NAV1: variants seen among roughly 807,000 people sequenced by gnomAD.
The protein encoded by NAV1 is pore membrane and/or filament interacting like protein 3.
In NAV1, 18 loss-of-function variants were observed where a neutral mutation model predicts 175.2. The observed-to-expected ratio is 0.10, with a 90% CI of 0.07 to 0.15. The LOEUF is 0.15. NAV1 is among the 10% of genes least tolerant of loss of function. The probability of loss-of-function intolerance (pLI) is 1.00; values close to 1 mark genes in which losing one functional copy is unlikely to be tolerated. For missense variants in NAV1, 1,731 were observed against 2,436.6 expected, an observed-to-expected ratio of 0.71 and a Z score of 6.10; for synonymous variants, 897 against 978.7, an observed-to-expected ratio of 0.92 and a Z score of 1.56.
rs1558131288 is a variant in NAV1, at chr1:201,756,809, C to CTTCTTTCTTTCTTTCTTTTTCTTTCT, written c.1227-23594_1227-23593insTTCTTTCTTTCTTTCTTTCTTTCTTT. On this transcript the variant is annotated intron_variant, in intron 3 of 29. Coordinates refer to ENST00000367296, the Ensembl canonical transcript of NAV1. ...ATGAGCAATTCTCTTTCTTTCTTTCCTTCTTTCTTTCTTTCTTTCTTTCTT... is the reference window on the plus strand; with the variant it reads ...ATGAGCAATTCTCTTTCTTTCTTTCCTTCTTTCTTTCTTTCTTTTTCTTTCTTTCTTTCTTTCTTTCTTTCTTTCTT... 2.1e-3 allele frequency among the ~76,000 whole-genome samples: 57 copies of CTTCTTTCTTTCTTTCTTTTTCTTTCT among 26,996 alleles called. 1 individual carries two copies. Among genetic ancestry groups the CTTCTTTCTTTCTTTCTTTTTCTTTCT allele is most frequent in the South Asian group, 8.2e-3 (7 of 850 alleles). 17.7% of individuals were successfully genotyped at this position (26,996 alleles called of 152,430 possible).
chr1:201,669,078 A>G (rs1392544462), intron 1 of NAV1, among the ~76,000 whole-genome samples: 1 of 152,206 alleles, frequency 6.6e-6, no homozygotes, highest in African/African-American at 2.4e-5. Context: ...GATCTCAGGC[A>G]TGGTTAGCAA....
In NAV1 at chr1:201,750,025, A is replaced by G. The variant is rs1237156556; in HGVS notation, c.1227-30396A>G. 3.9e-5 allele frequency among the ~76,000 whole-genome samples: 6 copies of G among 152,232 alleles called. No individual in the cohort carries two copies. The highest frequency in any genetic ancestry group is 1.4e-4 in the African/African-American group (6 of 41,458). On this transcript the variant is annotated intron_variant, in intron 3 of 29. Transcript: ENST00000367296. The surrounding 1 kb of genome is among the most constrained non-coding windows in gnomAD (Gnocchi z 4.1). ...GCTTTCAGATTGCTTTATGTTGTTA[A>G]AATTTTGCTCCACCTTAAAGAAACT... is the stretch of plus-strand genomic sequence containing the variant.
At chr1:201,645,095 T>G (rs549332671), upstream of NAV1, among the ~76,000 whole-genome samples, 46 of 152,136 alleles carry the variant, frequency 3.0e-4, no homozygotes, top group Admixed American at 5.9e-4. Flanking sequence ...TAAAGACACA[T>G]GCACACGTAT....
Position 201,766,898 on chromosome 1 carries a change from C to T in NAV1, c.1227-13523C>T, listed in dbSNP as rs539724656. On this transcript the variant is annotated intron_variant, in intron 3 of 29. Transcript: ENST00000367296. ...AGTGCAGTGGCGCGATCTCAGCTCACTGCAACCTCCGTCTCCTGGTTCAAG... is the reference window on the plus strand; with the variant it reads ...AGTGCAGTGGCGCGATCTCAGCTCATTGCAACCTCCGTCTCCTGGTTCAAG... Among the ~76,000 whole-genome samples the T allele has an allele frequency of 1.1e-3, 170 of 152,210 alleles. 1 individual carries two copies. The highest frequency in any genetic ancestry group is 4.1e-3 in the African/African-American group (169 of 41,556).
At chr1:201,770,517 T>C (rs1004632687) in intron 3 of NAV1, among the ~76,000 whole-genome samples, 1 of 152,152 alleles carries the variant, frequency 6.6e-6, no homozygotes, top group African/African-American at 2.4e-5. Context: ...CTAAGCTGGA[T>C]AAGCAACAAA....
chr1:201,810,413 C>T lies in NAV1; in HGVS notation c.4562-110C>T. 1 of 1,060,212 alleles carries T rather than the reference C, an allele frequency of 9.4e-7. No homozygotes were observed. The highest frequency in any genetic ancestry group is 1.6e-5 in the South Asian group (1 of 60,714). The allele number at this position is 1,060,212 out of a possible 1,614,324, so 65.7% of individuals were successfully genotyped here. A position where few individuals can be genotyped will look rare whatever the true frequency, so the allele number is the denominator to read the frequency against. On this transcript the variant is annotated intron_variant, in intron 23 of 29. Transcript: ENST00000367296. The surrounding 1 kb of genome is among the most constrained non-coding windows in gnomAD (Gnocchi z 6.0). ...TCTTATGGAACCATGGGGCAAGTGG[C>T]TCTGAGTTTCTTCAGGGGGCTCCTA...
intron 1 of NAV1, among the ~76,000 whole-genome samples, chr1:201,588,140 A>G (rs1426794127): frequency 5.9e-5 from 9 of 152,246 alleles, no homozygotes; most frequent in Non-Finnish European, 1.3e-4. Flanking sequence ...CAAAATTCAT[A>G]ATAGCCAAAA....
intron 2 of NAV1, among the ~76,000 whole-genome samples, chr1:201,606,349 G>A (rs1238261914): frequency 1.3e-5 from 2 of 152,296 alleles, no homozygotes; most frequent in South Asian, 2.1e-4. Context: ...TGGAAGACCT[G>A]TCCCCAAGCC....
upstream of NAV1, among the ~76,000 whole-genome samples, chr1:201,621,050 A>C (rs1668153370): frequency 6.6e-6 from 1 of 151,728 alleles, no homozygotes; most frequent in Admixed American, 6.6e-5. Context: ...CCTCCCAAGT[A>C]GTGGGACTAC....
At chr1:201,666,900 T>C (rs1466497816) in intron 1 of NAV1, among the ~76,000 whole-genome samples, 3 of 151,884 alleles carry the variant, frequency 2.0e-5, no homozygotes, top group African/African-American at 7.3e-5. Context: ...TGTTCCGTGG[T>C]AGGATTTCTC....
At chr1:201,542,542 G>A (rs1030765249) in intron 1 of NAV1, among the ~76,000 whole-genome samples, 1 of 152,050 alleles carries the variant, frequency 6.6e-6, no homozygotes, top group Admixed American at 6.6e-5. Flanking sequence ...TAACCTCCTG[G>A]GAAGGCTGAC....
intron 1 of NAV1, among the ~76,000 whole-genome samples, chr1:201,687,580 A>G (rs1670733952): frequency 6.6e-6 from 1 of 152,208 alleles, no homozygotes; most frequent in Non-Finnish European, 1.5e-5. Flanking sequence ...AATATACATA[A>G]TTATCTCTGT....
intron 1 of NAV1, among the ~76,000 whole-genome samples, chr1:201,573,345 A>G (rs1435731862): frequency 6.6e-6 from 1 of 152,120 alleles, no homozygotes; most frequent in Non-Finnish European, 1.5e-5. Flanking sequence ...GTGTGTGCAC[A>G]CCTGTACCGT....
intron 3 of NAV1, among the ~76,000 whole-genome samples, chr1:201,738,223 C>G (rs957727331): frequency 3.3e-5 from 5 of 152,016 alleles, no homozygotes; most frequent in Admixed American, 1.3e-4. Context: ...TGTCTGCCCC[C>G]CATGCTAGGG....
chr1:201,573,227 G>A lies in NAV1; in HGVS notation c.-143-15312G>A, dbSNP rs80146234. 4.4e-3 allele frequency among the ~76,000 whole-genome samples: 675 copies of A among 152,352 alleles called. 7 individuals are homozygous for A. Among genetic ancestry groups the A allele is most frequent in the African/African-American group, 0.015 (625 of 41,584 alleles). ...TGTACAGACAGCAGGACATCAAGTC[G>A]AGGCAGGCCACAGGGAGCTGACCCT... On this transcript the variant is annotated intron_variant, in intron 1 of 33. Transcript: ENST00000685211.
At chr1:201,626,998 T>C (rs976115273) in intron 1 of NAV1, among the ~76,000 whole-genome samples, 4 of 152,188 alleles carry the variant, frequency 2.6e-5, no homozygotes, top group Non-Finnish European at 5.9e-5. Context: ...GCCATTGGAG[T>C]TTCTGGCCCA....
exon 14 of NAV1, chr1:201,793,860 G>A: frequency 6.3e-7 from 1 of 1,592,526 alleles, no homozygotes; most frequent in South Asian, 1.1e-5. Flanking sequence ...ACCTGGCAGA[G>A]ACGGCCGAGG....
chr1:201,796,237 G>C (rs921459148), intron 15 of NAV1: 7 of 152,140 alleles, frequency 4.6e-5, no homozygotes, highest in Admixed American at 1.3e-4. Context: ...TTGACTTTTT[G>C]AGGAATTGGC....
intron 29 of NAV1, among the ~76,000 whole-genome samples, chr1:201,818,340 A>G (rs1172205639): frequency 6.6e-6 from 1 of 151,888 alleles, no homozygotes; most frequent in Non-Finnish European, 1.5e-5. Context: ...CATCCTGGCC[A>G]ACATGGTGAA....
Sources: gnomAD v4.1 joint callset for allele counts (sites outside exome capture counted in the v4.1 genomes callset) on GRCh38, gnomAD v4.1.1 for gene constraint, Gnocchi (gnomAD v3.1) non-coding constraint, MANE v1.5 for transcripts, NCBI Gene and HGNC (gene_info 2026-07-23, HGNC 2026-07-21) for gene names.